The following CASK variants were observed in gnomAD, a reference collection of about 807,000 sequenced individuals.
The protein encoded by CASK is calcium/calmodulin dependent serine protein kinase, also known as peripheral plasma membrane protein CASK.
In CASK, 4 loss-of-function variants were observed where a neutral mutation model predicts 82.9. That is an observed-to-expected ratio of 0.05 (90% CI 0.02 to 0.11). The LOEUF is 0.11. Ranked by LOEUF, CASK falls within the 10% of genes least tolerant of loss-of-function variation. The pLI is 1.00. For synonymous variants in CASK, 259 were observed against 253.5 expected (o/e 1.02, Z -0.20); for missense variants, 358 against 720.9 (o/e 0.50, Z 5.76).
intron 2 of CASK, among the ~76,000 whole-genome samples, chrX:41,798,090 A>T (rs752314682): frequency 8.9e-6 from 1 of 112,532 alleles, no homozygotes; most frequent in South Asian, 3.7e-4. Flanking sequence ...CTTGGAAAGA[A>T]TATTTAAGAT....
chrX:41,612,117 C>T (rs1304921692), intron 11 of CASK, among the ~76,000 whole-genome samples: 1 of 112,259 alleles, frequency 8.9e-6, no homozygotes, highest in Middle Eastern at 4.2e-3. Flanking sequence ...TGCCCGGCCG[C>T]CACCCCGTCT....
rs182349325 is a variant in CASK at position 41,884,152 on chromosome X, C to T, written c.60-30925G>A. ...GCAGAGCCAGGGCCTGCCAAATGGG[C>T]CATCCAAGAAGGCAGGACAGAGAGT... is the stretch of plus-strand genomic sequence containing the variant. On this transcript the variant is annotated intron_variant, in intron 1 of 26. Transcript: ENST00000378163. Among the ~76,000 whole-genome samples, 433 of 112,391 alleles carry T rather than the reference C, an allele frequency of 3.9e-3. 2 individuals are homozygous for T. Among genetic ancestry groups the T allele is most frequent in the Non-Finnish European group, 6.7e-3 (355 of 53,181 alleles).
intron 5 of CASK, chrX:41,696,201 A>T (rs1013685174): frequency 4.1e-6 from 5 of 1,204,955 alleles, no homozygotes; most frequent in Non-Finnish European, 4.5e-6. Flanking sequence ...CCTAACTATG[A>T]TTATTTTAAC....
At chrX:41,551,973 C>T (rs1188843952) in intron 21 of CASK, among the ~76,000 whole-genome samples, 2 of 106,864 alleles carry the variant, frequency 1.9e-5, no homozygotes, top group Non-Finnish European at 3.9e-5. Context: ...GTCGTCCAGG[C>T]TAGAGTGCAG....
chrX:41,661,658 A>G (rs775208471), intron 7 of CASK, among the ~76,000 whole-genome samples: 1 of 110,170 alleles, frequency 9.1e-6, no homozygotes, highest in Admixed American at 9.8e-5. Flanking sequence ...ATAGCCCTTA[A>G]AATTGAAGTG....
At chrX:41,773,366 C>A (rs1402763680) in intron 3 of CASK, among the ~76,000 whole-genome samples, 4 of 94,403 alleles carry the variant, frequency 4.2e-5, no homozygotes, top group Admixed American at 1.2e-4. Flanking sequence ...CAGAATGAGA[C>A]CCTGTCTCAA....
intron 2 of CASK, among the ~76,000 whole-genome samples, chrX:41,803,418 T>C (rs1398127374): frequency 9.0e-6 from 1 of 110,538 alleles, no homozygotes; most frequent in African/African-American, 3.3e-5. Context: ...TGAAACGCCA[T>C]CTCTACTAAA....
Position 41,516,902 on chromosome X carries a change from A to T in CASK, c.*3518T>A, listed in dbSNP as rs1479012922. On this transcript the variant is annotated 3_prime_UTR_variant, in exon 27 of 27. Transcript: ENST00000378163. ...ATGACATCAGTGGGGGACAAAAGAG[A>T]GCTGGCTTTGGGCTGCCTTGTTTTT... 6 of 110,799 alleles carry T rather than the reference A, an allele frequency of 5.4e-5. No individual in the cohort carries two copies. 9.1% of individuals were successfully genotyped at this position (110,799 alleles called of 1,213,427 possible).
At chrX:41,544,436 T>C (rs1053854857) in intron 21 of CASK, among the ~76,000 whole-genome samples, 1 of 109,511 alleles carries the variant, frequency 9.1e-6, no homozygotes, top group Non-Finnish European at 1.9e-5. Context: ...TGTGGTGGCA[T>C]GTGCCTGTAG....
intron 2 of CASK, among the ~76,000 whole-genome samples, chrX:41,810,802 G>T: frequency 8.9e-6 from 1 of 111,830 alleles, no homozygotes; most frequent in South Asian, 3.7e-4. Flanking sequence ...TGGATAAAGA[G>T]TCAAGACCCA....
Position 41,739,533 on chromosome X carries a change from T to C in CASK, c.357-77A>G, listed in dbSNP as rs2068559769. 4.8e-6 allele frequency: 3 copies of C among 630,762 alleles called. No homozygotes were observed. The East Asian group carries it at 1.0e-4, about 22-fold the overall frequency. The allele number at this position is 630,762 out of a possible 1,213,427, so 52.0% of individuals were successfully genotyped here. On this transcript the variant is annotated intron_variant, in intron 4 of 26. Coordinates refer to ENST00000378163, the MANE Select transcript of CASK (RefSeq NM_001367721.1). ...CTTAATATACAGTGCTCCTAGTTTATAACTCCCACTCTCATATTAGCTGTC... is the reference window on the plus strand; with the variant it reads ...CTTAATATACAGTGCTCCTAGTTTACAACTCCCACTCTCATATTAGCTGTC...
intron 1 of CASK, among the ~76,000 whole-genome samples, chrX:41,875,369 G>A (rs1345923490): frequency 2.7e-5 from 3 of 111,530 alleles, no homozygotes; most frequent in Admixed American, 9.5e-5. Context: ...GAGCATTTGC[G>A]AAATCATTTT....
chrX:41,725,835 AGCATAG>A (rs2147672551), intron 5 of CASK, among the ~76,000 whole-genome samples: 1 of 112,227 alleles, frequency 8.9e-6, no homozygotes, highest in East Asian at 2.8e-4. Flanking sequence ...CTAACCAACA[AGCATAG>A]CAGCTACAGT....
At chrX:41,592,098 C>G (rs1217154282) in intron 12 of CASK, among the ~76,000 whole-genome samples, 1 of 108,042 alleles carries the variant, frequency 9.3e-6, no homozygotes, top group African/African-American at 3.4e-5. Flanking sequence ...AAAAGAAATA[C>G]AAAAATTAGC....
chrX:41,691,116 G>A (rs2067548008), intron 5 of CASK, among the ~76,000 whole-genome samples: 1 of 112,416 alleles, frequency 8.9e-6, no homozygotes, highest in South Asian at 3.7e-4. Flanking sequence ...AATGCTTACT[G>A]ACAGATTTGT....
At chrX:41,749,607 G>A (rs930809730) in intron 3 of CASK, among the ~76,000 whole-genome samples, 2 of 107,345 alleles carry the variant, frequency 1.9e-5, no homozygotes, top group Non-Finnish European at 3.8e-5. Flanking sequence ...GGCTGGTCTC[G>A]AACTCCTGAC....
rs2064579344 is a variant in CASK, at chrX:41,517,787, G to A, written c.*2633C>T. The A allele has an allele frequency of 6.5e-6, 5 of 769,207 alleles. No homozygotes were observed. In the South Asian group the frequency reaches 1.1e-4, roughly 17 times the overall value. The allele number at this position is 769,207 out of a possible 1,213,427, so 63.4% of individuals were successfully genotyped here. A position where few individuals can be genotyped will look rare whatever the true frequency, so the allele number is the denominator to read the frequency against. On this transcript the variant is annotated 3_prime_UTR_variant, in exon 27 of 27. Transcript: ENST00000378163. ...TGTAGCAGTAGCAGCAGCAGCAGCA[G>A]CAGCAGCAGCAGCAGCAGCAGCAGC...
At chrX:41,606,930 T>C (rs773464068) in intron 12 of CASK, among the ~76,000 whole-genome samples, 6 of 110,687 alleles carry the variant, frequency 5.4e-5, no homozygotes, top group Non-Finnish European at 7.6e-5. Flanking sequence ...TGGGCTCAAG[T>C]GATCCTCCCA....
chrX:41,643,510 T>G (rs1025298753), intron 8 of CASK, among the ~76,000 whole-genome samples: 5 of 111,737 alleles, frequency 4.5e-5, no homozygotes, highest in African/African-American at 1.3e-4. Context: ...GTTGGATTCC[T>G]AGGTATTTTA....
Sources: gnomAD v4.1 joint callset for allele counts (sites outside exome capture counted in the v4.1 genomes callset) on GRCh38, gnomAD v4.1.1 for gene constraint, MANE v1.5 for transcripts, NCBI Gene and HGNC (gene_info 2026-07-23, HGNC 2026-07-21) for gene names.